The following ZZZ3 variants were observed in gnomAD, a reference collection of about 807,000 sequenced individuals.
ZZZ3 encodes ZZ-type zinc finger-containing protein 3.
Under a neutral mutation model 95.2 loss-of-function variants are expected in ZZZ3, and 22 were observed. That is an observed-to-expected ratio of 0.23 (90% CI 0.17 to 0.33). The LOEUF (loss-of-function observed/expected upper bound fraction) is 0.33, where lower values mean the gene tolerates loss of function less well. Ranked by LOEUF, ZZZ3 falls within the 10% of genes least tolerant of loss-of-function variation. ZZZ3 has a pLI of 1.00. For synonymous variants in ZZZ3, 335 were observed against 358.9 expected (o/e 0.93, Z 0.75); for missense variants, 885 against 1,066.5 (o/e 0.83, Z 2.37).
chr1:77,588,526 T>C (rs987215191), intron 5 of ZZZ3, among the ~76,000 whole-genome samples: 2 of 151,880 alleles, frequency 1.3e-5, no homozygotes, highest in Admixed American at 6.6e-5. Context: ...AAAGACACAA[T>C]ATGAAGAAAA....
intron 2 of ZZZ3, 35 bp downstream of exon 2, chr1:77,641,487 C>T (rs895804563): frequency 2.5e-6 from 1 of 397,930 alleles, no homozygotes; most frequent in Non-Finnish European, 4.4e-6. Context: ...AACTAAACCC[C>T]ACATGGCCTT....
chr1:77,585,801 T>C (rs1372326725), intron 5 of ZZZ3, among the ~76,000 whole-genome samples: 1 of 152,184 alleles, frequency 6.6e-6, no homozygotes, highest in Non-Finnish European at 1.5e-5. Flanking sequence ...AAAGGTGAAA[T>C]ACTGCAGTTT....
At chr1:77,615,936 C>T (rs958336860) in intron 5 of ZZZ3, among the ~76,000 whole-genome samples, 6 of 152,262 alleles carry the variant, frequency 3.9e-5, no homozygotes, top group South Asian at 2.1e-4. Flanking sequence ...CCCCACCACA[C>T]ACACACACAC....
At chr1:77,606,459 A>G (rs1270556095) in intron 5 of ZZZ3, among the ~76,000 whole-genome samples, 2 of 152,092 alleles carry the variant, frequency 1.3e-5, no homozygotes, top group African/African-American at 4.8e-5. Flanking sequence ...GGGTTGCTAC[A>G]TGAATATAAA....
intron 5 of ZZZ3, among the ~76,000 whole-genome samples, chr1:77,593,228 T>G (rs1557707387): frequency 1.3e-5 from 2 of 152,216 alleles, no homozygotes; most frequent in South Asian, 2.1e-4. Flanking sequence ...AAGTTGAAGA[T>G]GTACATACCC....
chr1:77,641,899 T>TA (rs1211353024), intron 1 of ZZZ3, among the ~76,000 whole-genome samples: 1 of 152,156 alleles, frequency 6.6e-6, no homozygotes, highest in Non-Finnish European at 1.5e-5. Flanking sequence ...ATTCCATACT[T>TA]AAACCCTTAC....
chr1:77,639,857 T>C (rs61777117), intron 3 of ZZZ3, among the ~76,000 whole-genome samples: 2 of 150,686 alleles, frequency 1.3e-5, no homozygotes, highest in Admixed American at 1.3e-4. Flanking sequence ...TTGAACTGAG[T>C]CAAAATGTGA....
intron 1 of ZZZ3, among the ~76,000 whole-genome samples, chr1:77,660,213 T>G (rs1670663840): frequency 6.6e-6 from 1 of 152,194 alleles, no homozygotes; most frequent in African/African-American, 2.4e-5. Context: ...CAATATTTTT[T>G]TTTATTGTGG....
chr1:77,576,332 A>G, intron 11 of ZZZ3, 112 bp from the exon 12 acceptor site: 1 of 840,776 alleles, frequency 1.2e-6, no homozygotes, highest in Non-Finnish European at 1.8e-6. Context: ...ATTTCACTCT[A>G]TCCTTTAGCA....
intron 5 of ZZZ3, among the ~76,000 whole-genome samples, chr1:77,627,349 T>C (rs1191372411): frequency 6.6e-6 from 1 of 152,216 alleles, no homozygotes; most frequent in Admixed American, 6.5e-5. Flanking sequence ...ACAATACAGA[T>C]GTAAAATTAT....
At chr1:77,671,375 A>T (rs969169874) in intron 1 of ZZZ3, among the ~76,000 whole-genome samples, 2 of 152,214 alleles carry the variant, frequency 1.3e-5, no homozygotes, top group Non-Finnish European at 2.9e-5. Context: ...AGAAAATTCA[A>T]ATGTCACTGT....
At chr1:77,669,079 A>C (rs1360066999) in intron 1 of ZZZ3, among the ~76,000 whole-genome samples, 7 of 152,122 alleles carry the variant, frequency 4.6e-5, no homozygotes, top group Non-Finnish European at 1.0e-4. Context: ...ATTCATCCCC[A>C]GAGTTCTTAA....
chr1:77,578,762 AT>A lies in ZZZ3; in HGVS notation c.2178+11del. On this transcript the variant is annotated intron_variant, in intron 11 of 14. Transcript: ENST00000370801. ...TTTAATCTACAGTTTACTTTCATGT[AT>A]TTTCTTTTACCTTTTTGGAGTATAT... 1 of 1,461,864 alleles carries A rather than the reference AT, an allele frequency of 6.8e-7. No individual in the cohort carries two copies. 90.6% of individuals were successfully genotyped at this position (1,461,864 alleles called of 1,614,324 possible). A position where few individuals can be genotyped will look rare whatever the true frequency, so the allele number is the denominator to read the frequency against.
At chr1:77,612,851 T>C (rs1273041542) in intron 5 of ZZZ3, among the ~76,000 whole-genome samples, 1 of 151,984 alleles carries the variant, frequency 6.6e-6, no homozygotes, top group Non-Finnish European at 1.5e-5. Context: ...ATACCTAGGA[T>C]GATCAAGTTT....
At chr1:77,584,423 A>T (rs1399825890) in intron 6 of ZZZ3, 94 bp downstream of exon 6, 2 of 1,257,000 alleles carry the variant, frequency 1.6e-6, no homozygotes, top group Non-Finnish European at 2.1e-6. Flanking sequence ...TAAACATTTT[A>T]AAAAGTATAT....
At chr1:77,579,868 A>T (rs1284700980) in intron 9 of ZZZ3, 2 of 248,622 alleles carry the variant, frequency 8.0e-6, no homozygotes, top group East Asian at 1.6e-4. Context: ...TTCTATTCAC[A>T]TAAGTAAAAA....
Position 77,564,847 on chromosome 1 carries a change from G to A in ZZZ3, c.*793C>T, listed in dbSNP as rs1427767915. 6.6e-6 allele frequency: 1 copy of A among 152,574 alleles called. No homozygotes were observed. The allele number at this position is 152,574 out of a possible 1,614,324, so 9.5% of individuals were successfully genotyped here. A position where few individuals can be genotyped will look rare whatever the true frequency, so the allele number is the denominator to read the frequency against. On this transcript the variant is annotated 3_prime_UTR_variant, in exon 15 of 15. Transcript: ENST00000370801. Reference sequence around the variant, plus strand: ...TCCAAATACAGAGGCAGAAGGCTGTGTATTTTAAAGGAATTAATGTTGTGA... The same window carrying A: ...TCCAAATACAGAGGCAGAAGGCTGTATATTTTAAAGGAATTAATGTTGTGA...
intron 4 of ZZZ3, among the ~76,000 whole-genome samples, chr1:77,636,881 T>C (rs904410513): frequency 3.9e-5 from 6 of 152,200 alleles, no homozygotes; most frequent in African/African-American, 1.4e-4. Flanking sequence ...CTAAAAATGC[T>C]TTTATTTCAC....
intron 1 of ZZZ3, among the ~76,000 whole-genome samples, chr1:77,661,110 C>T (rs1335649760): frequency 2.7e-5 from 4 of 150,898 alleles, no homozygotes; most frequent in Non-Finnish European, 5.9e-5. Context: ...ACTCAGAACA[C>T]CATACAGTTA....
Sources: gnomAD v4.1 joint callset for allele counts (sites outside exome capture counted in the v4.1 genomes callset) on GRCh38, gnomAD v4.1.1 for gene constraint, MANE v1.5 for transcripts, NCBI Gene and HGNC (gene_info 2026-07-23, HGNC 2026-07-21) for gene names.